Variants in DYM observed in about 807,000 individuals in gnomAD.
DYM encodes the protein dyggve-Melchior-Clausen syndrome protein.
In DYM, 78 loss-of-function variants were observed where a neutral mutation model predicts 93.1. The observed-to-expected ratio is 0.84, with a 90% CI of 0.70 to 1.01. The LOEUF (loss-of-function observed/expected upper bound fraction) is 1.01, where lower values mean the gene tolerates loss of function less well. Among genes scored for constraint, DYM ranks in the 50% least tolerant of loss-of-function variants. DYM has a pLI of 0.00. For synonymous variants in DYM, 321 were observed against 319.7 expected, an observed-to-expected ratio of 1.00 and a Z score of -0.04; for missense variants, 789 against 845.0, an observed-to-expected ratio of 0.93 and a Z score of 0.82.
At chr18:49,279,674 C>T (rs1304124075) in intron 10 of DYM, among the ~76,000 whole-genome samples, 1 of 152,164 alleles carries the variant, frequency 6.6e-6, no homozygotes, top group Non-Finnish European at 1.5e-5. Flanking sequence ...CACAGGTTTC[C>T]TGCTTATTGC....
intron 11 of DYM, among the ~76,000 whole-genome samples, chr18:49,258,837 CACAGAGAGAGAGAG>C (rs1258642208): frequency 4.4e-4 from 61 of 138,134 alleles, no homozygotes; most frequent in East Asian, 4.3e-3. Context: ...CACACACACA[CACAGAGAGAGAGAG>C]AGAGAGAGAG....
At chr18:49,457,875 G>C (rs73447704) in intron 1 of DYM, among the ~76,000 whole-genome samples, 3,625 of 152,264 alleles carry the variant, frequency 0.024, 138 homozygotes, top group African/African-American at 0.081. Context: ...ATGGAAGTAT[G>C]ATCAGAGAGA....
At chr18:49,215,887 CAGACAGTGGGTGCA>C (rs1207888666) in intron 13 of DYM, among the ~76,000 whole-genome samples, 1 of 152,232 alleles carries the variant, frequency 6.6e-6, no homozygotes, top group Admixed American at 6.5e-5. Context: ...TAGGGAGTGC[CAGACAGTGGGTGCA>C]GGACAGTGGG....
chr18:49,287,500 G>A (rs1599138149), intron 8 of DYM, among the ~76,000 whole-genome samples: 3 of 151,630 alleles, frequency 2.0e-5, no homozygotes, highest in South Asian at 4.2e-4. Flanking sequence ...TAATGCCCAA[G>A]CAAAAACATT....
chr18:49,127,659 C>T (rs1230645706), intron 15 of DYM, among the ~76,000 whole-genome samples: 1 of 152,164 alleles, frequency 6.6e-6, no homozygotes, highest in Admixed American at 6.5e-5. Flanking sequence ...CGCCAATGGC[C>T]TTCAAAGGCA....
At chr18:49,349,036 C>T (rs868765629) in intron 6 of DYM, among the ~76,000 whole-genome samples, 5 of 151,836 alleles carry the variant, frequency 3.3e-5, no homozygotes, top group Admixed American at 2.0e-4. Context: ...GGTGAAAACC[C>T]GTCTCTACTA....
At chr18:49,252,278 A>AG (rs2094308095) in intron 13 of DYM, among the ~76,000 whole-genome samples, 2 of 141,552 alleles carry the variant, frequency 1.4e-5, no homozygotes, top group African/African-American at 5.1e-5. Flanking sequence ...TAAAGTTAAG[A>AG]GGTTTCATTG....
At chr18:49,335,235 C>T (rs1013235053) in intron 6 of DYM, among the ~76,000 whole-genome samples, 2 of 152,238 alleles carry the variant, frequency 1.3e-5, no homozygotes, top group Non-Finnish European at 2.9e-5. Flanking sequence ...ACTCAGAAAT[C>T]TGACTTTTAA....
chr18:49,169,551 T>A (rs2088379815), intron 14 of DYM, among the ~76,000 whole-genome samples: 1 of 152,072 alleles, frequency 6.6e-6, no homozygotes, highest in Non-Finnish European at 1.5e-5. Flanking sequence ...GACTACAATA[T>A]GAGAAAGTGA....
At chr18:49,182,185 AC>A (rs1229896592) in intron 14 of DYM, among the ~76,000 whole-genome samples, 3 of 152,104 alleles carry the variant, frequency 2.0e-5, no homozygotes, top group African/African-American at 7.2e-5. Context: ...GAATCTTATA[AC>A]CTGAATCTTA....
At chr18:49,180,311 T>C (rs1181447241) in intron 14 of DYM, among the ~76,000 whole-genome samples, 2 of 152,150 alleles carry the variant, frequency 1.3e-5, no homozygotes, top group African/African-American at 2.4e-5. Context: ...AAACTATAGA[T>C]GTCAGTGCCC....
intron 8 of DYM, chr18:49,329,580 A>G (rs1433524658): frequency 6.6e-6 from 1 of 152,252 alleles, no homozygotes; most frequent in African/African-American, 2.4e-5. Context: ...TGCCTGACTC[A>G]TAGGAGGGTC....
chr18:49,078,679 T>C (rs1169134976), intron 17 of DYM, among the ~76,000 whole-genome samples: 1 of 152,192 alleles, frequency 6.6e-6, no homozygotes, highest in East Asian at 1.9e-4. Context: ...CCATGTCATT[T>C]AGGAATTTTA....
intron 13 of DYM, among the ~76,000 whole-genome samples, chr18:49,242,073 C>T (rs1208860856): frequency 6.6e-6 from 1 of 152,152 alleles, no homozygotes; most frequent in Admixed American, 6.5e-5. Context: ...CTTGCTCTCA[C>T]CCCACCCCAC....
At chr18:49,119,171 G>A (rs1200307775) in intron 15 of DYM, among the ~76,000 whole-genome samples, 9 of 152,102 alleles carry the variant, frequency 5.9e-5, no homozygotes, top group Non-Finnish European at 1.3e-4. Context: ...ATAAATTATA[G>A]ACTTACCAAT....
chr18:49,371,155 G>A (rs768880625), intron 5 of DYM, among the ~76,000 whole-genome samples: 1 of 152,140 alleles, frequency 6.6e-6, no homozygotes, highest in East Asian at 1.9e-4. Context: ...TACAGGCCCT[G>A]GATCCCTTTA....
intron 6 of DYM, among the ~76,000 whole-genome samples, chr18:49,336,846 G>A (rs1258696251): frequency 6.6e-6 from 1 of 152,174 alleles, no homozygotes; most frequent in Non-Finnish European, 1.5e-5. Flanking sequence ...AGGACACTCT[G>A]ATAGTAACTA....
chr18:49,093,685 A>T (rs1326921888), intron 17 of DYM, among the ~76,000 whole-genome samples: 3 of 152,148 alleles, frequency 2.0e-5, no homozygotes, highest in African/African-American at 7.2e-5. Context: ...GAGGCAGAAG[A>T]GAGTGACTGT....
intron 17 of DYM, among the ~76,000 whole-genome samples, chr18:49,056,931 A>G (rs1468099533): frequency 6.6e-6 from 1 of 152,116 alleles, no homozygotes; most frequent in Admixed American, 6.6e-5. Flanking sequence ...GGCTCAAGAG[A>G]TCTGTTGCCC....
Sources: gnomAD v4.1 joint callset for allele counts (sites outside exome capture counted in the v4.1 genomes callset) on GRCh38, gnomAD v4.1.1 for gene constraint, MANE v1.5 for transcripts, NCBI Gene and HGNC (gene_info 2026-07-23, HGNC 2026-07-21) for gene names.